Variants in DESI1 observed in about 807,000 individuals in gnomAD.
DESI1 encodes PPPDE peptidase domain containing 2.
DESI1 carries 17 observed loss-of-function variants against 22.4 expected under a neutral mutation model. The ratio of observed to expected loss-of-function variants is 0.76; its 90% confidence interval spans 0.52 to 1.14. The LOEUF (loss-of-function observed/expected upper bound fraction) is 1.14. Among genes scored for constraint, DESI1 ranks in the 50% most tolerant of loss-of-function variants. DESI1 has a pLI of 0.00. For missense variants in DESI1, 177 were observed against 208.9 expected, an observed-to-expected ratio of 0.85 and a Z score of 0.94; for synonymous variants, 92 against 84.2, an observed-to-expected ratio of 1.09 and a Z score of -0.51.
chr22:41,606,953 C>T (rs17002510), intron 3 of DESI1, among the ~76,000 whole-genome samples: 2,624 of 151,898 alleles, frequency 0.017, 73 homozygotes, highest in African/African-American at 0.059. Context: ...TAGGATGAGC[C>T]GGACACTGTG....
At chr22:41,611,591 CTTTTTTTTTTTTTT>C (rs132764) in intron 1 of DESI1, among the ~76,000 whole-genome samples, 1 of 103,902 alleles carries the variant, frequency 9.6e-6, no homozygotes, top group Non-Finnish European at 2.0e-5. Flanking sequence ...CCTGTTCCTT[CTTTTTTTTTTTTTT>C]TTTTTTTGAG....
chr22:41,607,846 C>T lies in DESI1; in HGVS notation c.104G>A (p.Gly35Asp). ...SPIMLGKQLE[G>D]IWHTSIVVHK... ...GGAGACCCACCCAACTTACCAGATGCCTTCCAGTTGTTTCCCTGTGGAGAG... is the reference window on the plus strand; with the variant it reads ...GGAGACCCACCCAACTTACCAGATGTCTTCCAGTTGTTTCCCTGTGGAGAG... The change falls in exon 2 of 6, where the codon GGC (glycine) becomes GAC (aspartate). Residue 35 changes from glycine (G) to aspartate (D), a missense_variant. By Grantham distance (94) the Gly-to-Asp change is moderately conservative (BLOSUM62 -1). Transcript: ENST00000263256. 1.9e-6 allele frequency: 3 copies of T among 1,614,200 alleles called. No individual in the cohort carries two copies. The highest frequency in any genetic ancestry group is 2.5e-6 in the Non-Finnish European group (3 of 1,180,032).
intron 3 of DESI1, among the ~76,000 whole-genome samples, chr22:41,605,385 C>A (rs1211195498): frequency 6.6e-6 from 1 of 152,104 alleles, no homozygotes; most frequent in African/African-American, 2.4e-5. Context: ...GGGAAACCAG[C>A]CACTGGGGAA....
At chr22:41,604,233 C>A in intron 3 of DESI1, 80 bp from the exon 4 acceptor site, 395 of 720,036 alleles carry the variant, frequency 5.5e-4, no homozygotes, top group Non-Finnish European at 7.7e-4. Context: ...CAGTAGACCA[C>A]AAACACTCTG....
chr22:41,607,121 TG>T (rs1226487792), intron 3 of DESI1, 140 bp downstream of exon 3: 3 of 681,744 alleles, frequency 4.4e-6, no homozygotes, highest in East Asian at 6.3e-5. Flanking sequence ...CTGGGGTGTC[TG>T]GGAAAGGTTT....
intron 2 of DESI1, 122 bp downstream of exon 2, chr22:41,607,718 C>A: frequency 8.5e-7 from 1 of 1,177,224 alleles, no homozygotes; most frequent in Admixed American, 1.9e-5. Flanking sequence ...TGCTTTAGGG[C>A]TTGAAGATTT....
In DESI1 at chr22:41,620,907, C is replaced by G; in HGVS notation, c.-68G>C. On this transcript the variant is annotated 5_prime_UTR_variant, in exon 1 of 6. Transcript: ENST00000263256. The stretch of plus-strand genomic sequence containing the variant: ...CGGCAGCGGCTTGGACCTTCCCGTA[C>G]CCGACGGGAGTGCGAAGCGGAGGGA... The G allele has an allele frequency of 1.9e-6, 3 of 1,539,832 alleles. No individual in the cohort carries two copies. Among genetic ancestry groups the G allele is most frequent in the Non-Finnish European group, 2.6e-6 (3 of 1,134,326 alleles).
Position 41,598,738 on chromosome 22 carries a change from G to C in DESI1, c.*2359C>G, listed in dbSNP as rs543452752. The C allele has an allele frequency of 5.2e-5, 8 of 152,578 alleles. No homozygotes were observed. Among genetic ancestry groups the C allele is most frequent in the African/African-American group, 1.9e-4 (8 of 41,586 alleles). 9.5% of individuals were successfully genotyped at this position (152,578 alleles called of 1,614,324 possible). On this transcript the variant is annotated 3_prime_UTR_variant, in exon 6 of 6. Transcript: ENST00000263256. ...GACCCTGGAAGACAGAGCCGGGCCA[G>C]GCAAGCTGGAAAAGGGAACAACACT...
intron 1 of DESI1, among the ~76,000 whole-genome samples, chr22:41,612,442 T>C (rs2067523218): frequency 6.6e-6 from 1 of 151,246 alleles, no homozygotes; most frequent in African/African-American, 2.4e-5. Flanking sequence ...CCGGGAGGTG[T>C]TGCAGTGAGC....
intron 1 of DESI1, among the ~76,000 whole-genome samples, chr22:41,619,147 T>G (rs2067567190): frequency 6.6e-6 from 1 of 152,236 alleles, no homozygotes; most frequent in Non-Finnish European, 1.5e-5. Flanking sequence ...TTTGTAAGTT[T>G]TGCTTTCAGA....
At chr22:41,610,271 C>T (rs1046371959) in intron 1 of DESI1, among the ~76,000 whole-genome samples, 5 of 149,986 alleles carry the variant, frequency 3.3e-5, no homozygotes, top group African/African-American at 7.4e-5. Context: ...CCCAGCTACT[C>T]GGGAAGCTGA....
intron 1 of DESI1, among the ~76,000 whole-genome samples, chr22:41,608,255 A>G (rs960686859): frequency 6.6e-6 from 1 of 152,206 alleles, no homozygotes; most frequent in Non-Finnish European, 1.5e-5. Context: ...TGATAGGATA[A>G]AACTTTGCAA....
At chr22:41,617,029 T>C (rs1326168988) in intron 1 of DESI1, among the ~76,000 whole-genome samples, 4 of 152,228 alleles carry the variant, frequency 2.6e-5, no homozygotes, top group Non-Finnish European at 5.9e-5. Flanking sequence ...AAATCTAGAT[T>C]GTAAGTGGCA....
chr22:41,606,690 C>T (rs996984726), intron 3 of DESI1, among the ~76,000 whole-genome samples: 5 of 134,932 alleles, frequency 3.7e-5, no homozygotes, highest in African/African-American at 1.1e-4. Context: ...AGGAGAATGG[C>T]GCGAACCCGG....
rs1396720917 is a variant in DESI1, at chr22:41,607,796, C to T, written c.110+44G>A. ...GAACCTGAAATGCATAGAGTGCTGC[C>T]TTGTTTCAAAACTAGTCAAAGTAAG... On this transcript the variant is annotated intron_variant, in intron 2 of 5. Coordinates refer to ENST00000263256, the MANE Select transcript of DESI1 (RefSeq NM_015704.3). The T allele has an allele frequency of 2.5e-6, 4 of 1,612,234 alleles. No homozygotes were observed. In the East Asian group the frequency reaches 8.9e-5, roughly 36 times the overall value.
At chr22:41,607,213 C>T (rs1010088210) in intron 3 of DESI1, 49 bp downstream of exon 3, 2 of 1,492,984 alleles carry the variant, frequency 1.3e-6, no homozygotes, top group South Asian at 1.3e-5. Context: ...TCTACAGGAG[C>T]CCCCAGGAAC....
At chr22:41,611,080 A>G (rs1391954102) in intron 1 of DESI1, among the ~76,000 whole-genome samples, 2 of 152,208 alleles carry the variant, frequency 1.3e-5, no homozygotes, top group African/African-American at 2.4e-5. Context: ...CCACTGGGCT[A>G]TAAGATACTA....
chr22:41,613,555 T>G (rs992435393), intron 1 of DESI1, among the ~76,000 whole-genome samples: 5 of 152,248 alleles, frequency 3.3e-5, no homozygotes, highest in African/African-American at 1.2e-4. Flanking sequence ...GACCTGGTCC[T>G]GAGATGTGAC....
intron 1 of DESI1, among the ~76,000 whole-genome samples, chr22:41,620,356 C>T (rs1295656136): frequency 6.6e-6 from 1 of 152,116 alleles, no homozygotes. Context: ...GCGCGGCAGG[C>T]ATCCTCACCT....
Sources: gnomAD v4.1 joint callset for allele counts (sites outside exome capture counted in the v4.1 genomes callset) on GRCh38, gnomAD v4.1.1 for gene constraint, MANE v1.5 for transcripts, NCBI Gene and HGNC (gene_info 2026-07-23, HGNC 2026-07-21) for gene names.